GALNT13: variants seen among roughly 807,000 people sequenced by gnomAD.
The protein encoded by GALNT13 is polypeptide N-acetylgalactosaminyltransferase 13, also known as UDP-GalNAc:polypeptide N-acetylgalactosaminyltransferase 13.
Under a neutral mutation model 64.2 loss-of-function variants are expected in GALNT13, and 28 were observed. The observed-to-expected ratio is 0.44, with a 90% CI of 0.32 to 0.60. GALNT13 has a LOEUF of 0.60. Ranked by LOEUF, GALNT13 falls within the 20% of genes least tolerant of loss-of-function variation. The pLI is 0.05. For missense variants in GALNT13, 577 were observed against 669.8 expected, an observed-to-expected ratio of 0.86 and a Z score of 1.53; for synonymous variants, 214 against 224.6, an observed-to-expected ratio of 0.95 and a Z score of 0.42.
At chr2:153,294,240 A>T in the GALNT13 span, among the ~76,000 whole-genome samples, 2 of 152,056 alleles carry the variant, frequency 1.3e-5, no homozygotes, top group East Asian at 3.9e-4. Context: ...AGTGTGGGGG[A>T]TGTGAGGAAC....
At chr2:154,272,012 A>T (rs539639023) in intron 8 of GALNT13, among the ~76,000 whole-genome samples, 3 of 152,070 alleles carry the variant, frequency 2.0e-5, no homozygotes, top group African/African-American at 7.2e-5. Flanking sequence ...TTAAATGCAT[A>T]AAAAGAAAAA....
chr2:154,377,154 A>G (rs1249009849), intron 9 of GALNT13, among the ~76,000 whole-genome samples: 1 of 152,182 alleles, frequency 6.6e-6, no homozygotes, highest in Non-Finnish European at 1.5e-5. Context: ...TCATATTTAA[A>G]TATATATTAG....
At chr2:153,575,431 C>T in the GALNT13 span, among the ~76,000 whole-genome samples, 2 of 152,202 alleles carry the variant, frequency 1.3e-5, no homozygotes, top group Non-Finnish European at 2.9e-5. Context: ...TCACAGCCAG[C>T]TAGGCCTGTG....
At chr2:153,472,689 T>C in the GALNT13 span, among the ~76,000 whole-genome samples, 1 of 152,172 alleles carries the variant, frequency 6.6e-6, no homozygotes, top group Admixed American at 6.5e-5. Flanking sequence ...ATTTACCCAC[T>C]CAAGAATACT....
chr2:154,021,296 T>C (rs1697466572), intron 3 of GALNT13, among the ~76,000 whole-genome samples: 1 of 152,210 alleles, frequency 6.6e-6, no homozygotes, highest in Non-Finnish European at 1.5e-5. Flanking sequence ...TTGGGCAGTA[T>C]GGCCATTTTC....
chr2:153,905,808 T>C lies in GALNT13; in HGVS notation c.-105+4801T>C, dbSNP rs147792031. 5.6e-3 allele frequency among the ~76,000 whole-genome samples: 858 copies of C among 152,110 alleles called. 12 individuals carry two copies. Among genetic ancestry groups the C allele is most frequent in the East Asian group, 0.055 (286 of 5,178 alleles). Reference sequence around the variant, plus strand: ...CTTTGGCATATTCAAATTGCCAACATCACCAGTCTTGTAATTTGGGTCCAT... The same window carrying C: ...CTTTGGCATATTCAAATTGCCAACACCACCAGTCTTGTAATTTGGGTCCAT... On this transcript the variant is annotated intron_variant, in intron 2 of 12. Coordinates refer to ENST00000392825, the MANE Select transcript of GALNT13 (RefSeq NM_052917.4).
intron 3 of GALNT13, among the ~76,000 whole-genome samples, chr2:153,991,942 G>T (rs1695186913): frequency 6.6e-6 from 1 of 152,140 alleles, no homozygotes; most frequent in South Asian, 2.1e-4. Flanking sequence ...GCCAAAGAGA[G>T]AAATAAATAA....
chr2:153,803,767 C>T, the GALNT13 span, among the ~76,000 whole-genome samples: 4 of 151,174 alleles, frequency 2.6e-5, no homozygotes. Flanking sequence ...TCCATGAGCA[C>T]GAAGAGGTCA....
chr2:153,747,422 GTTTTTTTT>G, the GALNT13 span, among the ~76,000 whole-genome samples: 1,126 of 93,738 alleles, frequency 0.012, 24 homozygotes, highest in African/African-American at 0.052. Flanking sequence ...AGTGCCTTTG[GTTTTTTTT>G]TTTTTTTTTT....
intron 2 of GALNT13, among the ~76,000 whole-genome samples, chr2:153,932,956 T>C (rs1169484307): frequency 6.6e-6 from 1 of 152,180 alleles, no homozygotes; most frequent in Non-Finnish European, 1.5e-5. Flanking sequence ...TTGATTTCTA[T>C]TTTTATTGCT....
chr2:154,179,960 A>T (rs1192895451), intron 4 of GALNT13, among the ~76,000 whole-genome samples: 1 of 152,122 alleles, frequency 6.6e-6, no homozygotes, highest in African/African-American at 2.4e-5. Flanking sequence ...TCTATAGCTG[A>T]CTTAGAGTGC....
the GALNT13 span, among the ~76,000 whole-genome samples, chr2:153,328,035 G>T: frequency 6.6e-6 from 1 of 151,754 alleles, no homozygotes. Context: ...TTAGTTTTTT[G>T]GTTTTTTTTC....
intron 10 of GALNT13, among the ~76,000 whole-genome samples, chr2:154,403,191 C>T (rs1051953558): frequency 5.3e-5 from 8 of 152,058 alleles, no homozygotes; most frequent in African/African-American, 1.7e-4. Flanking sequence ...TGGTGGTTTA[C>T]GCCTGTAACC....
chr2:153,983,690 G>A (rs1694615324), intron 3 of GALNT13, among the ~76,000 whole-genome samples: 3 of 151,940 alleles, frequency 2.0e-5, no homozygotes, highest in Admixed American at 2.0e-4. Context: ...GAATTTGAGT[G>A]TAATTTATTT....
chr2:153,734,504 A>G, the GALNT13 span, among the ~76,000 whole-genome samples: 3 of 152,224 alleles, frequency 2.0e-5, no homozygotes, highest in African/African-American at 7.2e-5. Flanking sequence ...ATACAGAAGC[A>G]GCCTTCTTAA....
At chr2:153,698,958 C>T in the GALNT13 span, among the ~76,000 whole-genome samples, 1 of 152,266 alleles carries the variant, frequency 6.6e-6, no homozygotes, top group African/African-American at 2.4e-5. Flanking sequence ...GGCATGGTGG[C>T]TCACACCTGT....
At position 154,124,924 on chromosome 2, in the gene GALNT13, C is replaced by T. The variant is rs930368146; in HGVS notation, c.143-15413C>T. ...ACATCAAAAGGAATACTACATAAGC[C>T]TTTCTGGAGAGATTTTGAACATTTA... On this transcript the variant is annotated intron_variant, in intron 3 of 12. Coordinates refer to ENST00000392825, the MANE Select transcript of GALNT13 (RefSeq NM_052917.4). 1.5e-4 allele frequency among the ~76,000 whole-genome samples: 23 copies of T among 151,970 alleles called. 1 individual carries two copies. The highest frequency in any genetic ancestry group is 6.6e-5 in the Admixed American group (1 of 15,266).
At chr2:153,569,439 T>G in the GALNT13 span, among the ~76,000 whole-genome samples, 49 of 152,130 alleles carry the variant, frequency 3.2e-4, no homozygotes, top group African/African-American at 1.2e-3. Context: ...GGGTTCTTGA[T>G]GTAATTTTAT....
intron 3 of GALNT13, among the ~76,000 whole-genome samples, chr2:154,001,550 A>G (rs778749321): frequency 2.6e-5 from 4 of 152,128 alleles, no homozygotes; most frequent in South Asian, 2.1e-4. Context: ...CTGAAACGCA[A>G]TCTACAGTTC....
Sources: gnomAD v4.1 joint callset for allele counts (sites outside exome capture counted in the v4.1 genomes callset) on GRCh38, gnomAD v4.1.1 for gene constraint, MANE v1.5 for transcripts, NCBI Gene and HGNC (gene_info 2026-07-23, HGNC 2026-07-21) for gene names.